The following ZNF69 variants were observed in gnomAD, a reference collection of about 807,000 sequenced individuals.
ZNF69 encodes zinc finger protein 69, also known as ZNF3.
Under a neutral mutation model 50.9 loss-of-function variants are expected in ZNF69, and 47 were observed. The ratio of observed to expected loss-of-function variants is 0.92; its 90% CI spans 0.73 to 1.18. The LOEUF is 1.18. Ranked by LOEUF, ZNF69 falls within the 50% of genes most tolerant of loss-of-function variation. ZNF69 has a pLI of 0.00. For synonymous variants in ZNF69, 216 were observed against 223.1 expected (o/e 0.97, Z 0.29); for missense variants, 717 against 675.1 (o/e 1.06, Z -0.69).
chr19:11,974,213 T>C, the ZNF69 span, among the ~76,000 whole-genome samples: 2 of 150,334 alleles, frequency 1.3e-5, no homozygotes, highest in African/African-American at 2.5e-5. Context: ...TTTTTGTTTT[T>C]TGTTTTGTGT....
At chr19:11,939,688 T>C in the ZNF69 span, among the ~76,000 whole-genome samples, 4 of 152,208 alleles carry the variant, frequency 2.6e-5, no homozygotes, top group Non-Finnish European at 5.9e-5. Context: ...CTCAAACTGC[T>C]GACCTCCATA....
the ZNF69 span, chr19:11,925,168 C>T: frequency 1.1e-5 from 18 of 1,608,538 alleles, no homozygotes; most frequent in Admixed American, 1.7e-4. Flanking sequence ...CGAGAGGGAC[C>T]TGGTGCCTGT....
the ZNF69 span, chr19:11,977,508 A>G: frequency 1.3e-6 from 2 of 1,525,486 alleles, no homozygotes; most frequent in Non-Finnish European, 1.8e-6. Context: ...GAAGTAAAAC[A>G]AAGAACTAAG....
chr19:11,954,847 T>G, the ZNF69 span, among the ~76,000 whole-genome samples: 10 of 152,098 alleles, frequency 6.6e-5, no homozygotes, highest in African/African-American at 2.4e-4. Context: ...AAAAAATTGT[T>G]CACTTATTGC....
the ZNF69 span, among the ~76,000 whole-genome samples, chr19:11,927,637 C>G: frequency 1.3e-5 from 2 of 152,102 alleles, no homozygotes; most frequent in Non-Finnish European, 1.5e-5. Flanking sequence ...AAATTTATTA[C>G]TCTGTTGATT....
At chr19:11,941,892 A>G in the ZNF69 span, among the ~76,000 whole-genome samples, 1 of 152,152 alleles carries the variant, frequency 6.6e-6, no homozygotes. Flanking sequence ...TTGTTTATCC[A>G]TTCAGCCGTC....
At chr19:11,972,592 AT>A in the ZNF69 span, among the ~76,000 whole-genome samples, 1 of 152,154 alleles carries the variant, frequency 6.6e-6, no homozygotes, top group East Asian at 1.9e-4. Flanking sequence ...ATTTTTGCAC[AT>A]TTTTTATGCA....
the ZNF69 span, among the ~76,000 whole-genome samples, chr19:11,942,222 T>C: frequency 6.6e-6 from 1 of 151,156 alleles, no homozygotes; most frequent in Non-Finnish European, 1.5e-5. Flanking sequence ...CCTGGGGGTG[T>C]GGGCTTTCCC....
downstream of ZNF69, among the ~76,000 whole-genome samples, chr19:11,911,563 TA>T (rs1448545833): frequency 6.6e-6 from 1 of 152,052 alleles, no homozygotes; most frequent in East Asian, 1.9e-4. Flanking sequence ...CTGAGCAAAC[TA>T]TAACAAGGAC....
the ZNF69 span, among the ~76,000 whole-genome samples, chr19:11,969,286 G>T: frequency 6.6e-6 from 1 of 152,114 alleles, no homozygotes; most frequent in South Asian, 2.1e-4. Context: ...TCTATTTTTA[G>T]TAAAGACAGC....
At chr19:11,924,674 A>G in the ZNF69 span, among the ~76,000 whole-genome samples, 2 of 152,122 alleles carry the variant, frequency 1.3e-5, no homozygotes, top group Admixed American at 6.6e-5. Context: ...CTCATCCCCA[A>G]TTCCGGCCCG....
the ZNF69 span, chr19:11,949,873 G>C: frequency 4.0e-5 from 64 of 1,613,978 alleles, no homozygotes; most frequent in Admixed American, 8.3e-5. Flanking sequence ...TCACACTGGA[G>C]AGAAACCCTA....
chr19:11,901,051 A>G (rs866877623), intron 1 of ZNF69, among the ~76,000 whole-genome samples: 4 of 152,234 alleles, frequency 2.6e-5, no homozygotes, highest in Middle Eastern at 6.8e-3. Context: ...CAGGTGTTTC[A>G]ATACCATTTG....
At chr19:11,978,308 C>A in the ZNF69 span, 132 of 1,614,122 alleles carry the variant, frequency 8.2e-5, no homozygotes, top group Non-Finnish European at 2.6e-5. Context: ...TCAGAGGTGA[C>A]ATTGGGCACA....
chr19:11,906,351 G>T lies in ZNF69; in HGVS notation c.*253G>T. 1.9e-6 allele frequency: 2 copies of T among 1,044,468 alleles called. No homozygotes were observed. The highest frequency in any genetic ancestry group is 2.5e-6 in the Non-Finnish European group (2 of 809,278). 64.7% of individuals were successfully genotyped at this position (1,044,468 alleles called of 1,614,324 possible). A position where few individuals can be genotyped will look rare whatever the true frequency, so the allele number is the denominator to read the frequency against. ...GCAGTCCTCCCAGCATGGAGTTTGAGATCTAAGAATGGACAGTCTGCCTCC... is the reference window on the plus strand; with the variant it reads ...GCAGTCCTCCCAGCATGGAGTTTGATATCTAAGAATGGACAGTCTGCCTCC... On this transcript the variant is annotated 3_prime_UTR_variant, in exon 4 of 4. Transcript: ENST00000429654.
In ZNF69 at chr19:11,889,373, C is replaced by G. The variant is rs190276011; in HGVS notation, c.63+1387C>G. Among the ~76,000 whole-genome samples, 57 of 152,346 alleles carry G rather than the reference C, an allele frequency of 3.7e-4. 1 individual carries two copies. In the South Asian group the frequency reaches 5.4e-3, roughly 14 times the overall value. On this transcript the variant is annotated intron_variant, in intron 1 of 3. Transcript: ENST00000429654. ...GGGTATAAGGAGGCCTGTCTCACCT[C>G]CCATCCTGTCATACAGAGGCACTCA...
At chr19:11,958,529 C>T in the ZNF69 span, among the ~76,000 whole-genome samples, 254 of 152,320 alleles carry the variant, frequency 1.7e-3, 2 homozygotes, top group African/African-American at 5.7e-3. Flanking sequence ...CACTGACTCA[C>T]AGTGAGCGAG....
the ZNF69 span, among the ~76,000 whole-genome samples, chr19:11,926,908 G>T: frequency 6.6e-6 from 1 of 152,118 alleles, no homozygotes; most frequent in African/African-American, 2.4e-5. Context: ...AGACTCTAGG[G>T]AAATAGACTC....
At chr19:11,891,321 G>A (rs1390304769) in intron 1 of ZNF69, among the ~76,000 whole-genome samples, 2 of 151,440 alleles carry the variant, frequency 1.3e-5, no homozygotes, top group African/African-American at 4.9e-5. Flanking sequence ...CACGTACTCG[G>A]GAGGCAAGCG....
Sources: allele counts gnomAD v4.1 joint callset (sites outside exome capture counted in the v4.1 genomes callset), GRCh38; gene constraint gnomAD v4.1.1; transcripts MANE v1.5; gene names NCBI Gene and HGNC (gene_info 2026-07-23, HGNC 2026-07-21).